MTREX: variants seen among roughly 807,000 people sequenced by gnomAD.
MTREX encodes exosome RNA helicase MTR4.
A neutral mutation model predicts 135.4 loss-of-function variants in MTREX; 76 were observed. The observed-to-expected ratio is 0.56, with a 90% CI of 0.47 to 0.68. MTREX has a LOEUF of 0.68. Ranked by LOEUF, MTREX falls within the 30% of genes least tolerant of loss-of-function variation. The probability of loss-of-function intolerance (pLI) is 0.00; values close to 1 mark genes in which losing one functional copy is unlikely to be tolerated. For synonymous variants in MTREX, 404 were observed against 401.6 expected, an observed-to-expected ratio of 1.01 and a Z score of -0.07; for missense variants, 920 against 1,262.1, an observed-to-expected ratio of 0.73 and a Z score of 4.11.
At chr5:55,314,310 G>A (rs1456248881) in intron 1 of MTREX, among the ~76,000 whole-genome samples, 1 of 152,190 alleles carries the variant, frequency 6.6e-6, no homozygotes, top group Non-Finnish European at 1.5e-5. Context: ...TCCCTAGAAC[G>A]TTTGAAATTG....
At chr5:55,392,197 T>A (rs2111574247) in intron 19 of MTREX, among the ~76,000 whole-genome samples, 1 of 152,284 alleles carries the variant, frequency 6.6e-6, no homozygotes, top group East Asian at 1.9e-4. Flanking sequence ...TTGGTTAGTT[T>A]AATGGTCAGC....
At chr5:55,404,810 CT>C (rs869237969) in intron 21 of MTREX, among the ~76,000 whole-genome samples, 37 of 130,812 alleles carry the variant, frequency 2.8e-4, no homozygotes, top group South Asian at 2.5e-4. Context: ...TTTTTTTTTT[CT>C]TTTTTTTTTT....
chr5:55,343,268 ATAT>A, intron 7 of MTREX, 60 bp from the exon 8 acceptor site: 2 of 1,368,836 alleles, frequency 1.5e-6, no homozygotes, highest in South Asian at 1.4e-5. Flanking sequence ...ATAATTTTAG[ATAT>A]TATCACAGAG....
intron 19 of MTREX, among the ~76,000 whole-genome samples, chr5:55,394,909 T>C (rs1750624407): frequency 6.6e-6 from 1 of 151,796 alleles, no homozygotes; most frequent in Non-Finnish European, 1.5e-5. Flanking sequence ...GGCAGGTGCC[T>C]GTAGTCCCAG....
intron 22 of MTREX, among the ~76,000 whole-genome samples, chr5:55,408,705 A>G (rs564597292): frequency 4.1e-4 from 62 of 152,234 alleles, no homozygotes; most frequent in African/African-American, 1.4e-3. Context: ...TTTAGCTTGA[A>G]TTGAACACAG....
intron 16 of MTREX, among the ~76,000 whole-genome samples, chr5:55,374,127 G>A (rs757621321): frequency 2.0e-4 from 30 of 151,774 alleles, no homozygotes; most frequent in Non-Finnish European, 3.4e-4. Context: ...ATGTGGTGGC[G>A]CACACCTGTA....
rs372980763 is a variant in MTREX at position 55,347,163 on chromosome 5, A to G, written c.1240+19A>G. ...AACACAGGTACTACATCATTTCAGTATCATTTTAATGTTATGTGAAAATGA... is the reference window on the plus strand; with the variant it reads ...AACACAGGTACTACATCATTTCAGTGTCATTTTAATGTTATGTGAAAATGA... On this transcript the variant is annotated intron_variant, in intron 11 of 26. Transcript: ENST00000230640. 3.7e-5 allele frequency: 59 copies of G among 1,580,942 alleles called. No individual in the cohort carries two copies. The East Asian group carries it at 9.8e-4, about 26-fold the overall frequency.
intron 1 of MTREX, 108 bp from the exon 2 acceptor site, chr5:55,322,219 T>C: frequency 1.1e-6 from 1 of 872,366 alleles, no homozygotes; most frequent in Non-Finnish European, 1.6e-6. Context: ...AACATTCATC[T>C]ATTTAAAACA....
At chr5:55,328,289 T>G (rs1410627715) in intron 4 of MTREX, among the ~76,000 whole-genome samples, 2 of 152,210 alleles carry the variant, frequency 1.3e-5, no homozygotes, top group Non-Finnish European at 2.9e-5. Context: ...GAGTGAACTT[T>G]ACTGAGAGAC....
chr5:55,345,748 CT>C (rs35768825), intron 10 of MTREX, among the ~76,000 whole-genome samples: 59,206 of 149,578 alleles, frequency 0.4, 12,598 homozygotes, highest in African/African-American at 0.55. Flanking sequence ...CTCATTGCAA[CT>C]TTCTGCCTCC....
At chr5:55,366,283 G>A (rs1487566219) in intron 15 of MTREX, among the ~76,000 whole-genome samples, 2 of 152,190 alleles carry the variant, frequency 1.3e-5, no homozygotes, top group Non-Finnish European at 2.9e-5. Flanking sequence ...CAACCCAGGA[G>A]TTCAAGACCA....
chr5:55,375,925 T>C (rs914405732), intron 16 of MTREX, among the ~76,000 whole-genome samples: 1 of 152,174 alleles, frequency 6.6e-6, no homozygotes, highest in Non-Finnish European at 1.5e-5. Flanking sequence ...CCCTTTCTTG[T>C]TATATAAATG....
At position 55,384,316 on chromosome 5, in the gene MTREX, C is replaced by T. The variant is rs542153433; in HGVS notation, c.2053-3658C>T. On this transcript the variant is annotated intron_variant, in intron 18 of 26. Coordinates refer to ENST00000230640, the MANE Select transcript of MTREX (RefSeq NM_015360.5). The stretch of plus-strand genomic sequence containing the variant: ...GCTCCTCTAGTAATTTTCCTCACTT[C>T]GGTAAATAGACTTTGAAACTCTAAA... Among the ~76,000 whole-genome samples the T allele has an allele frequency of 2.8e-4, 42 of 152,280 alleles. No individual in the cohort carries two copies. The South Asian group carries it at 7.7e-3, about 28-fold the overall frequency.
Position 55,425,477 on chromosome 5 carries a change from C to T in MTREX, c.*705C>T. 4.1e-6 allele frequency: 3 copies of T among 722,998 alleles called. No individual in the cohort carries two copies. Among genetic ancestry groups the T allele is most frequent in the Non-Finnish European group, 6.1e-6 (3 of 488,460 alleles). The allele number at this position is 722,998 out of a possible 1,614,324, so 44.8% of individuals were successfully genotyped here. On this transcript the variant is annotated 3_prime_UTR_variant, in exon 27 of 27. Coordinates refer to ENST00000230640, the MANE Select transcript of MTREX (RefSeq NM_015360.5). ...GATTAAGCATATAAAAAATTAGAGA[C>T]TAACTGGGATTTTTTAAAGATTATT...
chr5:55,309,309 C>T (rs1280031510), intron 1 of MTREX, among the ~76,000 whole-genome samples: 1 of 152,010 alleles, frequency 6.6e-6, no homozygotes. Flanking sequence ...CCCTGTTGAA[C>T]AAGGTGATTG....
At chr5:55,417,967 G>A (rs1483450891) in intron 25 of MTREX, among the ~76,000 whole-genome samples, 1 of 151,036 alleles carries the variant, frequency 6.6e-6, no homozygotes, top group Admixed American at 6.6e-5. Context: ...AGGCACGGTG[G>A]CTTACGCCGG....
chr5:55,371,948 A>C (rs1750209511), intron 16 of MTREX, among the ~76,000 whole-genome samples: 1 of 152,142 alleles, frequency 6.6e-6, no homozygotes, highest in African/African-American at 2.4e-5. Context: ...TAGTCTGAGC[A>C]CTGAAGTGAT....
chr5:55,331,462 T>TTCCATGCAGTATTC (rs752243547), intron 5 of MTREX, among the ~76,000 whole-genome samples: 3 of 152,218 alleles, frequency 2.0e-5, no homozygotes, highest in Non-Finnish European at 2.9e-5. Flanking sequence ...CCATGCAGTA[T>TTCCATGCAGTATTC]CTTGTGAATT....
At position 55,400,411 on chromosome 5, in the gene MTREX, A is replaced by G; in HGVS notation, c.2471A>G (p.Lys824Arg). Residue 824 changes from lysine (K) to arginine (R), a missense_variant, in exon 21 of 27, where the codon AAA (lysine) becomes AGA (arginine). By Grantham distance (26) the Lys-to-Arg change is conservative (BLOSUM62 2). Coordinates refer to ENST00000230640, the MANE Select transcript of MTREX (RefSeq NM_015360.5). Reference sequence around the variant, plus strand: ...GAAACTGTGTATACGCTTTGTGAAAAAAAAGCACAGGTATGGCAGAAATTT... The same window carrying G: ...GAAACTGTGTATACGCTTTGTGAAAGAAAAGCACAGGTATGGCAGAAATTT... ...NLETVYTLCE[K>R]KAQIAIDIKS... 6.3e-7 allele frequency: 1 copy of G among 1,581,118 alleles called. No individual in the cohort carries two copies. Among genetic ancestry groups the G allele is most frequent in the Non-Finnish European group, 8.6e-7 (1 of 1,161,528 alleles).
Sources: allele counts gnomAD v4.1 joint callset (sites outside exome capture counted in the v4.1 genomes callset), GRCh38; gene constraint gnomAD v4.1.1; transcripts MANE v1.5; gene names NCBI Gene and HGNC (gene_info 2026-07-23, HGNC 2026-07-21).